NUTF2: variants seen among roughly 807,000 people sequenced by gnomAD.
NUTF2 encodes the protein nuclear transport factor 2, also known as placental protein 15.
Under a neutral mutation model 18.5 loss-of-function variants are expected in NUTF2, and 3 were observed. That is an observed-to-expected ratio of 0.16 (90% CI 0.07 to 0.42). The LOEUF (loss-of-function observed/expected upper bound fraction) is 0.42. NUTF2 is among the 10% of genes least tolerant of loss of function. The probability of loss-of-function intolerance (pLI) is 0.99; values close to 1 mark genes in which losing one functional copy is unlikely to be tolerated. For missense variants in NUTF2, 44 were observed against 160.7 expected, an observed-to-expected ratio of 0.27 and a Z score of 3.93; for synonymous variants, 51 against 57.9, an observed-to-expected ratio of 0.88 and a Z score of 0.54.
In NUTF2 at chr16:67,871,162, CTTTTTT is replaced by C. The variant is rs1208303500; in HGVS notation, c.*266_*271del. On this transcript the variant is annotated 3_prime_UTR_variant, in exon 5 of 5. Transcript: ENST00000219169. ...GACTTAAGTAATGCAAAAGGTTGTC[CTTTTTT>C]TTTTTTTTTTTTTTTTAATCTACTG... The C allele has an allele frequency of 4.0e-5, 6 of 150,580 alleles. No homozygotes were observed. The highest frequency in any genetic ancestry group is 1.5e-4 in the East Asian group (1 of 6,624). 9.3% of individuals were successfully genotyped at this position (150,580 alleles called of 1,614,324 possible).
intron 1 of NUTF2, among the ~76,000 whole-genome samples, chr16:67,853,889 C>G (rs2057877397): frequency 6.6e-6 from 1 of 152,120 alleles, no homozygotes; most frequent in Admixed American, 6.5e-5. Context: ...CTCAGGTGAT[C>G]CTCCTGCCTC....
chr16:67,861,417 G>A (rs1007987425), intron 1 of NUTF2, among the ~76,000 whole-genome samples: 26 of 152,240 alleles, frequency 1.7e-4, no homozygotes, highest in African/African-American at 6.3e-4. Context: ...GATCTCCTGG[G>A]TCAGAGGTTT....
At chr16:67,865,927 C>G (rs1326304387) in intron 2 of NUTF2, among the ~76,000 whole-genome samples, 1 of 152,096 alleles carries the variant, frequency 6.6e-6, no homozygotes, top group Non-Finnish European at 1.5e-5. Flanking sequence ...ACCATGTTGG[C>G]CAGGCTGGTC....
intron 1 of NUTF2, among the ~76,000 whole-genome samples, chr16:67,859,979 T>C (rs555267046): frequency 6.6e-6 from 1 of 150,550 alleles, no homozygotes; most frequent in African/African-American, 2.4e-5. Context: ...TTTTATTATT[T>C]TTTTTTTTCT....
intron 1 of NUTF2, 66 bp from the exon 2 acceptor site, chr16:67,865,036 G>T (rs2057961039): frequency 2.7e-6 from 2 of 752,344 alleles, no homozygotes; most frequent in Admixed American, 2.1e-5. Flanking sequence ...GAGGGGTGGG[G>T]GTCAGTGGCT....
At chr16:67,849,802 G>C (rs1167114464) in intron 1 of NUTF2, among the ~76,000 whole-genome samples, 1 of 151,944 alleles carries the variant, frequency 6.6e-6, no homozygotes, top group Non-Finnish European at 1.5e-5. Context: ...GGGACTACAG[G>C]CGCCCACCAC....
chr16:67,863,762 G>T (rs1244996100), intron 1 of NUTF2, among the ~76,000 whole-genome samples: 1 of 152,214 alleles, frequency 6.6e-6, no homozygotes, highest in Non-Finnish European at 1.5e-5. Flanking sequence ...CTCCTCTACA[G>T]TTGGGGCCAT....
intron 2 of NUTF2, 132 bp from the exon 3 acceptor site, chr16:67,868,208 T>C (rs1002547952): frequency 4.2e-6 from 3 of 721,598 alleles, no homozygotes; most frequent in Admixed American, 5.5e-5. Context: ...ATACTCAGTC[T>C]CCTTCTTTAG....
intron 1 of NUTF2, among the ~76,000 whole-genome samples, chr16:67,859,951 C>T (rs2057924254): frequency 6.6e-6 from 1 of 151,408 alleles, no homozygotes; most frequent in Admixed American, 6.6e-5. Flanking sequence ...TACAGGTGTA[C>T]ACCACCATGG....
chr16:67,852,146 T>C (rs1212961261), intron 1 of NUTF2, among the ~76,000 whole-genome samples: 8 of 152,062 alleles, frequency 5.3e-5, no homozygotes, highest in African/African-American at 2.4e-5. Context: ...GCAATACCCA[T>C]TTCTACAAAA....
intron 1 of NUTF2, among the ~76,000 whole-genome samples, chr16:67,849,734 T>C (rs1320586283): frequency 1.5e-5 from 2 of 137,050 alleles, no homozygotes; most frequent in Admixed American, 1.4e-4. Flanking sequence ...TCTCTGCTCA[T>C]TGCAAGCTCC....
At chr16:67,862,272 G>A (rs1169286160) in intron 1 of NUTF2, among the ~76,000 whole-genome samples, 1 of 152,190 alleles carries the variant, frequency 6.6e-6, no homozygotes, top group African/African-American at 2.4e-5. Context: ...AAGACCCAGC[G>A]ACATCACTGG....
At chr16:67,868,004 T>G (rs1174107030) in intron 2 of NUTF2, among the ~76,000 whole-genome samples, 1 of 152,206 alleles carries the variant, frequency 6.6e-6, no homozygotes, top group Admixed American at 6.5e-5. Flanking sequence ...GATGACCTTT[T>G]GGGACTGACA....
intron 4 of NUTF2, chr16:67,870,425 T>C (rs1423376630): frequency 5.4e-6 from 1 of 185,930 alleles, no homozygotes; most frequent in African/African-American, 2.4e-5. Flanking sequence ...TGCAGTTTTT[T>C]TGATACTCTA....
intron 1 of NUTF2, among the ~76,000 whole-genome samples, chr16:67,855,775 C>T: frequency 6.6e-6 from 1 of 151,694 alleles, no homozygotes; most frequent in South Asian, 2.1e-4. Flanking sequence ...GCTGCTTTGA[C>T]CTGCTGAGTA....
intron 1 of NUTF2, among the ~76,000 whole-genome samples, chr16:67,855,602 C>G (rs920083752): frequency 3.9e-5 from 6 of 152,128 alleles, no homozygotes. Flanking sequence ...ATGTTTGTTT[C>G]TTAAAGTCTC....
chr16:67,855,112 TC>T (rs1002938199), intron 1 of NUTF2, among the ~76,000 whole-genome samples: 1 of 152,152 alleles, frequency 6.6e-6, no homozygotes, highest in African/African-American at 2.4e-5. Flanking sequence ...GCTTTGTGAT[TC>T]TGTGATTCTC....
intron 2 of NUTF2, 24 bp from the exon 3 acceptor site, chr16:67,868,316 T>C: frequency 6.2e-7 from 1 of 1,611,576 alleles, no homozygotes; most frequent in Non-Finnish European, 8.5e-7. Flanking sequence ...GCCCCAACCC[T>C]GGGGTTTCCT....
chr16:67,851,274 A>C (rs2057855556), intron 1 of NUTF2, among the ~76,000 whole-genome samples: 2 of 151,312 alleles, frequency 1.3e-5, no homozygotes, highest in Admixed American at 6.6e-5. Flanking sequence ...CGAGGTTAGG[A>C]GTTGGAGACC....
Sources: gnomAD v4.1 joint callset for allele counts (sites outside exome capture counted in the v4.1 genomes callset) on GRCh38, gnomAD v4.1.1 for gene constraint, MANE v1.5 for transcripts, NCBI Gene and HGNC (gene_info 2026-07-23, HGNC 2026-07-21) for gene names.